PCMT1: variants seen among roughly 807,000 people sequenced by gnomAD.
PCMT1 encodes protein-L-isoaspartate (D-aspartate) O-methyltransferase.
In PCMT1, 9 loss-of-function variants were observed where a neutral mutation model predicts 29.2. The observed-to-expected ratio is 0.31, with a 90% CI of 0.19 to 0.54. PCMT1 has a LOEUF of 0.54. PCMT1 is among the 20% of genes least tolerant of loss of function. The pLI is 0.95. For missense variants in PCMT1, 184 were observed against 282.2 expected, an observed-to-expected ratio of 0.65 and a Z score of 2.49; for synonymous variants, 98 against 97.5, an observed-to-expected ratio of 1.00 and a Z score of -0.03.
intron 1 of PCMT1, among the ~76,000 whole-genome samples, chr6:149,753,995 A>C (rs1408293580): frequency 6.6e-6 from 1 of 152,208 alleles, no homozygotes; most frequent in African/African-American, 2.4e-5. Flanking sequence ...CATTTTGAGA[A>C]CCAGTGACAT....
intron 3 of PCMT1, among the ~76,000 whole-genome samples, chr6:149,778,778 A>T (rs1787686312): frequency 1.3e-5 from 2 of 152,012 alleles, no homozygotes; most frequent in African/African-American, 4.8e-5. Flanking sequence ...AGCTCAAGCG[A>T]TCCTCCCACC....
intron 5 of PCMT1, chr6:149,794,978 T>C: frequency 2.6e-6 from 1 of 386,878 alleles, no homozygotes; most frequent in Non-Finnish European, 5.1e-6. Context: ...GGCGGATCAC[T>C]TGTCAGGAGT....
intron 6 of PCMT1, chr6:149,798,205 T>TA (rs5880851): frequency 0.53 from 80,144 of 150,744 alleles, 24,497 homozygotes; most frequent in East Asian, 0.83. Flanking sequence ...CTGGTGGTTT[T>TA]ACACATTTTA....
intron 3 of PCMT1, among the ~76,000 whole-genome samples, chr6:149,782,199 CAGTAAGCATACAGTGCAAGATGTG>C (rs2115281783): frequency 6.6e-6 from 1 of 152,202 alleles, no homozygotes; most frequent in South Asian, 2.1e-4. Context: ...ATGCACATAA[CAGTAAGCATACAGTGCAAGATGTG>C]AATAGGGTAA....
In PCMT1 at chr6:149,779,807, G is replaced by C. The variant is rs533447662; in HGVS notation, c.192+6638G>C. Reference sequence around the variant, plus strand: ...AGCCTGGGCAAAAGATCAAAACTCTGACTCAAAAAAAAAAAAGAAGTATGA... The same window carrying C: ...AGCCTGGGCAAAAGATCAAAACTCTCACTCAAAAAAAAAAAAGAAGTATGA... On this transcript the variant is annotated intron_variant, in intron 3 of 7. Coordinates refer to ENST00000464889, the MANE Select transcript of PCMT1 (RefSeq NM_001360452.2). Among the ~76,000 whole-genome samples the C allele has an allele frequency of 6.7e-5, 10 of 149,140 alleles. No homozygotes were observed. In the East Asian group the frequency reaches 1.8e-3, roughly 26 times the overall value.
At chr6:149,753,457 C>G (rs1175422808) in intron 1 of PCMT1, among the ~76,000 whole-genome samples, 4 of 151,974 alleles carry the variant, frequency 2.6e-5, no homozygotes, top group South Asian at 4.1e-4. Context: ...CTCAGCCTCC[C>G]GAGTAGCTGG....
At chr6:149,765,359 C>CAAAAA (rs745563333) in intron 1 of PCMT1, among the ~76,000 whole-genome samples, 2,109 of 83,972 alleles carry the variant, frequency 0.025, 77 homozygotes, top group African/African-American at 0.046. Context: ...GACTCTGTCT[C>CAAAAA]AAAAAAAAAA....
At chr6:149,787,497 C>T (rs930226918) in intron 3 of PCMT1, among the ~76,000 whole-genome samples, 2 of 151,748 alleles carry the variant, frequency 1.3e-5, no homozygotes, top group African/African-American at 4.8e-5. Context: ...TTCCCAGTAG[C>T]TGGGATTACA....
intron 1 of PCMT1, among the ~76,000 whole-genome samples, chr6:149,759,826 C>T (rs1020317447): frequency 5.3e-5 from 8 of 152,136 alleles, no homozygotes. Context: ...AGTGCTTATA[C>T]CAACACAGGC....
chr6:149,794,378 G>A lies in PCMT1; in HGVS notation c.418+709G>A, dbSNP rs140842312. On this transcript the variant is annotated intron_variant, in intron 5 of 7. Transcript: ENST00000464889. ...CTCACACCTGTAATCCCAGCACTTT[G>A]GGAGGCTGAGGTGGGCAGATCATGA... is the stretch of plus-strand genomic sequence containing the variant. 4.7e-3 allele frequency among the ~76,000 whole-genome samples: 721 copies of A among 152,302 alleles called. 5 individuals carry two copies. The highest frequency in any genetic ancestry group is 0.016 in the African/African-American group (683 of 41,566).
At chr6:149,776,413 G>C (rs894538605) in intron 3 of PCMT1, among the ~76,000 whole-genome samples, 4 of 151,712 alleles carry the variant, frequency 2.6e-5, no homozygotes, top group African/African-American at 7.3e-5. Flanking sequence ...TACCATGCCC[G>C]GCTAATTTTT....
At chr6:149,751,914 C>A (rs1786336610) in intron 1 of PCMT1, among the ~76,000 whole-genome samples, 1 of 151,782 alleles carries the variant, frequency 6.6e-6, no homozygotes, top group South Asian at 2.1e-4. Context: ...TCACTGTCAC[C>A]CAGGTTGGAG....
intron 1 of PCMT1, 114 bp from the exon 2 acceptor site, chr6:149,771,048 C>A: frequency 1.8e-6 from 1 of 556,664 alleles, no homozygotes; most frequent in Non-Finnish European, 3.1e-6. Context: ...ATTACAACAA[C>A]TTCCAATCAT....
At chr6:149,796,818 G>GT (rs199694406) in intron 6 of PCMT1, 5,983 of 178,862 alleles carry the variant, frequency 0.033, 292 homozygotes, top group African/African-American at 0.12. Context: ...TTTGTTTTTT[G>GT]TTTTTTGTTT....
At chr6:149,786,862 T>C (rs1364500215) in intron 3 of PCMT1, among the ~76,000 whole-genome samples, 1 of 138,610 alleles carries the variant, frequency 7.2e-6, no homozygotes, top group East Asian at 2.3e-4. Flanking sequence ...ACGCTCCTCA[T>C]ATCCCAGACG....
chr6:149,807,926 G>C (rs973273037), intron 7 of PCMT1, among the ~76,000 whole-genome samples: 1 of 152,110 alleles, frequency 6.6e-6, no homozygotes, highest in Non-Finnish European at 1.5e-5. Context: ...ATATGTTCCA[G>C]TATTGTGACA....
chr6:149,787,755 C>G (rs1376452029), intron 3 of PCMT1, among the ~76,000 whole-genome samples: 1 of 152,134 alleles, frequency 6.6e-6, no homozygotes, highest in African/African-American at 2.4e-5. Context: ...CACAGTCTTA[C>G]CATTGGTAAA....
intron 1 of PCMT1, among the ~76,000 whole-genome samples, chr6:149,751,954 C>A (rs1489373953): frequency 6.6e-6 from 1 of 151,426 alleles, no homozygotes; most frequent in Non-Finnish European, 1.5e-5. Flanking sequence ...CTCACTGCAA[C>A]CCCTGCTTTC....
chr6:149,785,300 G>A (rs1225785975), intron 3 of PCMT1, among the ~76,000 whole-genome samples: 1 of 114,686 alleles, frequency 8.7e-6, no homozygotes, highest in African/African-American at 3.7e-5. Flanking sequence ...TTTTTTAATT[G>A]TTCCATGGAA....
Sources: gnomAD v4.1 joint callset for allele counts (sites outside exome capture counted in the v4.1 genomes callset) on GRCh38, gnomAD v4.1.1 for gene constraint, MANE v1.5 for transcripts, NCBI Gene and HGNC (gene_info 2026-07-23, HGNC 2026-07-21) for gene names.